The following GALNT2 variants were observed in gnomAD, a reference collection of about 807,000 sequenced individuals.
GALNT2 encodes the protein polypeptide N-acetylgalactosaminyltransferase 2, also known as UDP-GalNAc:polypeptide N-acetylgalactosaminyltransferase 2.
Under a neutral mutation model 81.4 loss-of-function variants are expected in GALNT2, and 31 were observed. That is an observed-to-expected ratio of 0.38 (90% CI 0.29 to 0.51). The LOEUF (loss-of-function observed/expected upper bound fraction) is 0.51. Ranked by LOEUF, GALNT2 falls within the 20% of genes least tolerant of loss-of-function variation. The probability of loss-of-function intolerance (pLI) is 0.87; values close to 1 mark genes in which losing one functional copy is unlikely to be tolerated. For synonymous variants in GALNT2, 303 were observed against 287.4 expected (o/e 1.05, Z -0.55); for missense variants, 629 against 765.7 (o/e 0.82, Z 2.11).
At chr1:230,166,647 T>A (rs2102852754) in intron 1 of GALNT2, among the ~76,000 whole-genome samples, 1 of 152,366 alleles carries the variant, frequency 6.6e-6, no homozygotes, top group East Asian at 1.9e-4. Context: ...TGTGCTGGTC[T>A]CTGCCATCTG....
chr1:230,164,259 A>G (rs903207100), intron 1 of GALNT2, among the ~76,000 whole-genome samples: 1 of 152,186 alleles, frequency 6.6e-6, no homozygotes, highest in African/African-American at 2.4e-5. Flanking sequence ...CCCATGGGGA[A>G]GTACCCAGTA....
Position 230,265,269 on chromosome 1 carries a change from G to C in GALNT2, c.1342G>C (p.Gly448Arg). The C allele has an allele frequency of 6.2e-7, 1 of 1,614,206 alleles. No individual in the cohort carries two copies. The highest frequency in any genetic ancestry group is 8.5e-7 in the Non-Finnish European group (1 of 1,180,030). ...TCCAGACCATCAGGATATAGCTTTT[G>C]GGGCCTTGCAGCAGGGAACTAACTG... ...RVPDHQDIAF[G>R]ALQQGTNCLD... The change falls in exon 14 of 16, where the codon GGG becomes CGG. Residue 448 changes from glycine (G) to arginine (R), a missense_variant. Coordinates refer to ENST00000366672, the MANE Select transcript of GALNT2 (RefSeq NM_004481.5).
intron 1 of GALNT2, among the ~76,000 whole-genome samples, chr1:230,129,659 G>C (rs1221020980): frequency 1.3e-5 from 2 of 152,164 alleles, no homozygotes; most frequent in Non-Finnish European, 2.9e-5. Context: ...ATACACCCAA[G>C]GGTCCTTACT....
At chr1:230,258,162 A>T (rs931310222) in intron 11 of GALNT2, among the ~76,000 whole-genome samples, 1 of 151,772 alleles carries the variant, frequency 6.6e-6, no homozygotes, top group Admixed American at 6.6e-5. Context: ...TGATCTGCCC[A>T]CCTCGGCCTC....
At chr1:230,248,330 G>A (rs1343724200) in intron 8 of GALNT2, among the ~76,000 whole-genome samples, 1 of 152,228 alleles carries the variant, frequency 6.6e-6, no homozygotes, top group Non-Finnish European at 1.5e-5. Flanking sequence ...ATGCCCTAGA[G>A]TCATTAGGTT....
chr1:230,062,852 T>G (rs775405976), upstream of GALNT2, among the ~76,000 whole-genome samples: 4 of 152,228 alleles, frequency 2.6e-5, no homozygotes, highest in Non-Finnish European at 5.9e-5. Flanking sequence ...GTCGCTGCTT[T>G]CAATTCCTTT....
rs1661610954 is a variant in GALNT2 at position 230,138,157 on chromosome 1, CG to C, written c.127-40059del. Among the ~76,000 whole-genome samples the C allele has an allele frequency of 3.9e-5, 6 of 152,280 alleles. No homozygotes were observed. In the South Asian group the frequency reaches 1.0e-3, roughly 26 times the overall value. On this transcript the variant is annotated intron_variant, in intron 1 of 15. Coordinates refer to ENST00000366672, the MANE Select transcript of GALNT2 (RefSeq NM_004481.5). ...GGGTCCTCATCCAGACCCCAAAGGA[CG>C]GTTCTTGGATCTTGCACAAGAAAGA... is the stretch of plus-strand genomic sequence containing the variant.
In GALNT2 at chr1:230,171,847, C is replaced by T. The variant is rs959805925; in HGVS notation, c.127-6371C>T. 5.3e-5 allele frequency among the ~76,000 whole-genome samples: 8 copies of T among 152,158 alleles called. No homozygotes were observed. The East Asian group carries it at 7.7e-4, about 15-fold the overall frequency. ...ATATTGGACATGGGTAAGACATCAG[C>T]GTGAGATGAAGCCACATTTTTGCTG... On this transcript the variant is annotated intron_variant, in intron 1 of 15. Transcript: ENST00000366672.
chr1:230,143,833 C>T (rs926137117), intron 1 of GALNT2, among the ~76,000 whole-genome samples: 5 of 152,224 alleles, frequency 3.3e-5, no homozygotes, highest in African/African-American at 1.2e-4. Context: ...CCCTGCTCAG[C>T]GATCACCAGC....
In GALNT2 at chr1:230,144,461, G is replaced by A. The variant is rs553551603; in HGVS notation, c.127-33757G>A. 5.3e-5 allele frequency among the ~76,000 whole-genome samples: 8 copies of A among 152,260 alleles called. No homozygotes were observed. The East Asian group carries it at 5.8e-4, about 11-fold the overall frequency. ...TAGCCGGTGCCTGCATGTGAAGGGCGGTTTGTGTTCCTCGCTACTGGAAGT... is the reference window on the plus strand; with the variant it reads ...TAGCCGGTGCCTGCATGTGAAGGGCAGTTTGTGTTCCTCGCTACTGGAAGT... On this transcript the variant is annotated intron_variant, in intron 1 of 15. Coordinates refer to ENST00000366672, the MANE Select transcript of GALNT2 (RefSeq NM_004481.5).
intron 1 of GALNT2, among the ~76,000 whole-genome samples, chr1:230,114,833 G>A (rs1350996845): frequency 2.6e-5 from 4 of 152,046 alleles, no homozygotes; most frequent in Admixed American, 2.6e-4. Context: ...ATTTTTTAGA[G>A]CAGTTTTGGG....
In GALNT2 at chr1:230,208,232, G is replaced by A. The variant is rs530737099; in HGVS notation, c.374+4942G>A. ...CTGTCCAGGCAGAAGGTAATGGAAA[G>A]TAGCATTGGTGGTGGTGAGAAGTGG... On this transcript the variant is annotated intron_variant, in intron 3 of 15. Coordinates refer to ENST00000366672, the MANE Select transcript of GALNT2 (RefSeq NM_004481.5). Among the ~76,000 whole-genome samples the A allele has an allele frequency of 3.7e-3, 560 of 152,306 alleles. 2 individuals are homozygous for A. The highest frequency in any genetic ancestry group is 0.013 in the African/African-American group (541 of 41,578).
intron 3 of GALNT2, among the ~76,000 whole-genome samples, chr1:230,222,175 C>T (rs577802571): frequency 4.6e-5 from 7 of 151,992 alleles, no homozygotes; most frequent in South Asian, 2.1e-4. Context: ...TACAGGCGTC[C>T]ACCACCACGC....
At chr1:230,205,494 T>G (rs532658709) in intron 3 of GALNT2, among the ~76,000 whole-genome samples, 1 of 152,242 alleles carries the variant, frequency 6.6e-6, no homozygotes, top group Non-Finnish European at 1.5e-5. Context: ...TAATGTTTCC[T>G]GTCATCCATT....
chr1:230,178,432 A>G, intron 2 of GALNT2, 121 bp downstream of exon 2: 1 of 684,578 alleles, frequency 1.5e-6, no homozygotes, highest in Non-Finnish European at 2.4e-6. Context: ...AGCAGGAGAC[A>G]CCGCCCTAAA....
In GALNT2 at chr1:230,279,594, C is replaced by A; in HGVS notation, c.*136C>A. On this transcript the variant is annotated 3_prime_UTR_variant, in exon 16 of 16. Coordinates refer to ENST00000366672, the MANE Select transcript of GALNT2 (RefSeq NM_004481.5). The surrounding 1 kb of genome is among the most constrained non-coding windows in gnomAD (Gnocchi z 4.6). ...ATTCCATCATGGTCTGAAAGTCAAA[C>A]TTCGGCAAGGCACGGACGACTGTGC... 2 of 1,167,564 alleles carry A rather than the reference C, an allele frequency of 1.7e-6. No homozygotes were observed. The highest frequency in any genetic ancestry group is 2.9e-4 in the Middle Eastern group (1 of 3,390). The allele number at this position is 1,167,564 out of a possible 1,614,324, so 72.3% of individuals were successfully genotyped here.
At chr1:230,277,685 A>T (rs1666336633) in intron 15 of GALNT2, among the ~76,000 whole-genome samples, 1 of 152,208 alleles carries the variant, frequency 6.6e-6, no homozygotes, top group African/African-American at 2.4e-5. Context: ...AAGTGACAAC[A>T]TCCTTGTGGT....
intron 1 of GALNT2, among the ~76,000 whole-genome samples, chr1:230,109,262 GGGA>G (rs1660632864): frequency 6.6e-6 from 1 of 152,320 alleles, no homozygotes; most frequent in Non-Finnish European, 1.5e-5. Flanking sequence ...AGCGGGTGCA[GGGA>G]GGTGCGGGGT....
intron 13 of GALNT2, chr1:230,263,280 T>A (rs775138642): frequency 7.1e-6 from 3 of 423,866 alleles, no homozygotes; most frequent in Non-Finnish European, 1.3e-5. Context: ...TTGTTCTCCA[T>A]TGGCAAGGTG....
Sources: gnomAD v4.1 joint callset for allele counts (sites outside exome capture counted in the v4.1 genomes callset) on GRCh38, gnomAD v4.1.1 for gene constraint, Gnocchi (gnomAD v3.1) non-coding constraint, MANE v1.5 for transcripts, NCBI Gene and HGNC (gene_info 2026-07-23, HGNC 2026-07-21) for gene names.